Variants in SRRT observed in about 807,000 individuals in gnomAD.
SRRT encodes the protein serrate RNA effector molecule homolog.
In SRRT, 32 loss-of-function variants were observed where a neutral mutation model predicts 103.2. That is an observed-to-expected ratio of 0.31 (90% CI 0.23 to 0.42). The LOEUF (loss-of-function observed/expected upper bound fraction) is 0.42, where lower values mean the gene tolerates loss of function less well. Among genes scored for constraint, SRRT ranks in the 10% least tolerant of loss-of-function variants. The pLI, the probability that SRRT is intolerant of heterozygous loss-of-function variation, is 1.00. For synonymous variants in SRRT, 525 were observed against 449.0 expected (o/e 1.17, Z -2.14); for missense variants, 986 against 1,207.5 (o/e 0.82, Z 2.72).
Position 100,888,295 on chromosome 7 carries a change from C to G in SRRT, c.2467C>G (p.Pro823Ala). 6.2e-7 allele frequency: 1 copy of G among 1,613,706 alleles called. No individual in the cohort carries two copies. Among genetic ancestry groups the G allele is most frequent in the Non-Finnish European group, 8.5e-7 (1 of 1,179,656 alleles). The part of the protein sequence containing the change: ...VRPAVPTGGP[P>A]YPHAPYGAGR... The stretch of plus-strand genomic sequence containing the variant: ...CCCTGCAGTCCCCACAGGAGGCCCT[C>G]CATACCCCCATGCCCCGTATGGTGC... Residue 823 changes from proline to alanine, a missense_variant, in exon 19 of 20, where the codon CCA becomes GCA. By Grantham distance (27) the Pro-to-Ala change is conservative (BLOSUM62 -1). Around this residue, in one of 6 missense-constraint regions of SRRT, gnomAD observed 178 missense variants for 189.6 expected, o/e 0.94. Transcript: ENST00000611405.
At chr7:100,876,090 C>T (rs1180671804) in intron 2 of SRRT, among the ~76,000 whole-genome samples, 1 of 152,158 alleles carries the variant, frequency 6.6e-6, no homozygotes, top group Non-Finnish European at 1.5e-5. Flanking sequence ...GAGCCTCCCG[C>T]CTCAGCCTCT....
At position 100,882,281 on chromosome 7, in the gene SRRT, T is replaced by TC. The variant is rs1278229400; in HGVS notation, c.587+45dup. 1.3e-6 allele frequency: 2 copies of TC among 1,598,106 alleles called. No individual in the cohort carries two copies. Among genetic ancestry groups the TC allele is most frequent in the East Asian group, 2.2e-5 (1 of 44,722 alleles). On this transcript the variant is annotated intron_variant, in intron 5 of 19. Transcript: ENST00000611405. The surrounding 1 kb of genome is among the most constrained non-coding windows in gnomAD (Gnocchi z 4.2). ...TTCCCTGGACCTCTGCCCTGGCATG[T>TC]CCCCCTGGCCCCGCTGGTGGAGCCA...
chr7:100,882,239 G>A lies in SRRT; in HGVS notation c.585G>A (p.Glu195=), dbSNP rs1314541712. The A allele has an allele frequency of 1.2e-6, 2 of 1,613,794 alleles. No homozygotes were observed. Among genetic ancestry groups the A allele is most frequent in the South Asian group, 1.1e-5 (1 of 91,064 alleles). Reference sequence around the variant, plus strand: ...TCTTCCTGGCGCACAAAGATGAGGAGTGGTGAGTGCCCCTACTTCCCTGGA... The same window carrying A: ...TCTTCCTGGCGCACAAAGATGAGGAATGGTGAGTGCCCCTACTTCCCTGGA... The part of the protein sequence containing the change: ...QDFFLAHKDE[E]WFRSKYHPDE... Residue 195 remains glutamate (E), a splice_region_variant and synonymous_variant, in exon 5 of 20, where the codon GAG becomes GAA. Transcript: ENST00000611405. This position sits in a 1 kb window ranked among gnomAD's most constrained non-coding sequence, Gnocchi z 4.2.
At position 100,885,730 on chromosome 7, in the gene SRRT, G is replaced by A. The variant is rs1295304815; in HGVS notation, c.1347G>A (p.Arg449=). The part of the protein sequence containing the change: ...SLCKRYPGFM[R]VALSEPQPER... The stretch of plus-strand genomic sequence containing the variant: ...GTAAAAGGTACCCAGGCTTTATGCG[G>A]GTGGCGCTCTCAGAGCCCCAGCCAG... The change falls in exon 11 of 20, where the codon CGG becomes CGA. Residue 449 remains arginine (R), a synonymous_variant. Transcript: ENST00000611405. This position sits in a 1 kb window ranked among gnomAD's most constrained non-coding sequence, Gnocchi z 4.8. The A allele has an allele frequency of 9.9e-6, 16 of 1,613,824 alleles. No individual in the cohort carries two copies. The highest frequency in any genetic ancestry group is 1.2e-5 in the Non-Finnish European group (14 of 1,179,850).
At chr7:100,886,084 A>C in intron 12 of SRRT, 143 bp downstream of exon 12, 1 of 1,283,374 alleles carries the variant, frequency 7.8e-7, no homozygotes, top group Non-Finnish European at 1.1e-6. Context: ...TCTCTGGGCA[A>C]GGCTCTAGGG....
Position 100,886,876 on chromosome 7 carries a change from C to G in SRRT, c.1729C>G (p.Leu577Val). The part of the protein sequence containing the change: ...EEVSAEEEEL[L>V]GSSGGAPPEE... Reference sequence around the variant, plus strand: ...AGTAAGCGCCGAGGAGGAGGAGCTGCTGGGGAGCAGCGGGGGCGCTCCTCC... The same window carrying G: ...AGTAAGCGCCGAGGAGGAGGAGCTGGTGGGGAGCAGCGGGGGCGCTCCTCC... The change falls in exon 14 of 20, where the codon CTG (leucine) becomes GTG (valine). Residue 577 changes from leucine to valine, a missense_variant. Leu to Val is a conservative substitution (Grantham distance 32). Coordinates refer to ENST00000611405, the MANE Select transcript of SRRT (RefSeq NM_015908.6). The G allele has an allele frequency of 6.2e-7, 1 of 1,614,158 alleles. No homozygotes were observed. The highest frequency in any genetic ancestry group is 1.6e-4 in the Middle Eastern group (1 of 6,062).
rs950475855 is a variant in SRRT, at chr7:100,887,898, C to G, written c.2326+39C>G. On this transcript the variant is annotated intron_variant, in intron 17 of 19. Transcript: ENST00000611405. The surrounding 1 kb of genome is among the most constrained non-coding windows in gnomAD (Gnocchi z 4.1). ...CATGAAGGTCGCATGTGCCCTCTTC[C>G]TTGACTACCCAGGGACTCCTGTTTC... 10 of 1,580,460 alleles carry G rather than the reference C, an allele frequency of 6.3e-6. No homozygotes were observed. The highest frequency in any genetic ancestry group is 2.7e-5 in the African/African-American group (2 of 73,684).
At chr7:100,883,918 C>T (rs140854190) in intron 5 of SRRT, 152 bp from the exon 6 acceptor site, 919 of 798,552 alleles carry the variant, frequency 1.2e-3, no homozygotes, top group Non-Finnish European at 1.3e-3. Context: ...GTGGTTCTAG[C>T]GCACCCCTAT....
In SRRT at chr7:100,882,146, T is replaced by C; in HGVS notation, c.492T>C (p.Asp164=). Residue 164 remains aspartate (D), a synonymous_variant, in exon 5 of 20, where the codon GAT becomes GAC. Coordinates refer to ENST00000611405, the MANE Select transcript of SRRT (RefSeq NM_015908.6). This position sits in a 1 kb window ranked among gnomAD's most constrained non-coding sequence, Gnocchi z 4.2. ...EFLLSLDDSV[D]ETEAVKRYND... is the part of the protein sequence containing the mutation. Reference sequence around the variant, plus strand: ...TCCTCTCCCTGGATGACTCGGTGGATGAGACGGAGGCCGTCAAGCGCTATA... The same window carrying C: ...TCCTCTCCCTGGATGACTCGGTGGACGAGACGGAGGCCGTCAAGCGCTATA... 1.9e-6 allele frequency: 3 copies of C among 1,614,170 alleles called. No homozygotes were observed. The highest frequency in any genetic ancestry group is 2.5e-6 in the Non-Finnish European group (3 of 1,180,032).
At chr7:100,884,706 G>A (rs1394283175) in intron 7 of SRRT, 34 bp from the exon 8 acceptor site, 4 of 1,606,094 alleles carry the variant, frequency 2.5e-6, no homozygotes, top group Admixed American at 3.3e-5. Flanking sequence ...GGGAGGGGAG[G>A]TTTGACATCC....
chr7:100,885,688 C>T lies in SRRT; in HGVS notation c.1318-13C>T, dbSNP rs755728539. The T allele has an allele frequency of 1.9e-6, 3 of 1,603,492 alleles. No homozygotes were observed. The highest frequency in any genetic ancestry group is 2.7e-5 in the African/African-American group (2 of 74,698). On this transcript the variant is annotated splice_polypyrimidine_tract_variant and intron_variant, in intron 10 of 19. Transcript: ENST00000611405. The surrounding 1 kb of genome is among the most constrained non-coding windows in gnomAD (Gnocchi z 4.8). ...CTTGAGTCACTGTGGGGCTGCTTTT[C>T]TGCTTCTTGCAGCTTTGTAAAAGGT...
At position 100,887,882 on chromosome 7, in the gene SRRT, C is replaced by T. The variant is rs117357990; in HGVS notation, c.2326+23C>T. 35 of 1,587,744 alleles carry T rather than the reference C, an allele frequency of 2.2e-5. No individual in the cohort carries two copies. In the East Asian group the frequency reaches 4.3e-4, roughly 19 times the overall value. On this transcript the variant is annotated intron_variant, in intron 17 of 19. Transcript: ENST00000611405. The surrounding 1 kb of genome is among the most constrained non-coding windows in gnomAD (Gnocchi z 4.1). ...AGAGTAAGATACGATCCATGAAGGTCGCATGTGCCCTCTTCCTTGACTACC... is the reference window on the plus strand; with the variant it reads ...AGAGTAAGATACGATCCATGAAGGTTGCATGTGCCCTCTTCCTTGACTACC...
chr7:100,882,822 AC>A lies in SRRT; in HGVS notation c.587+586del, dbSNP rs1266640147. The A allele has an allele frequency of 1.7e-5, 2 of 119,936 alleles. No homozygotes were observed. Among genetic ancestry groups the A allele is most frequent in the Non-Finnish European group, 3.5e-5 (2 of 57,590 alleles). 7.4% of individuals were successfully genotyped at this position (119,936 alleles called of 1,614,324 possible). On this transcript the variant is annotated intron_variant, in intron 5 of 19. Coordinates refer to ENST00000611405, the MANE Select transcript of SRRT (RefSeq NM_015908.6). The surrounding 1 kb of genome is among the most constrained non-coding windows in gnomAD (Gnocchi z 4.2). ...CGGAGCTCGGAGCAAACCCACCTCC[AC>A]CCCCACCATACCCAGCCCATACATG...
At position 100,885,082 on chromosome 7, in the gene SRRT, G is replaced by A. The variant is rs1315069188; in HGVS notation, c.1159+42G>A. The A allele has an allele frequency of 6.2e-6, 10 of 1,611,350 alleles. No individual in the cohort carries two copies. Among genetic ancestry groups the A allele is most frequent in the Non-Finnish European group, 8.5e-6 (10 of 1,178,676 alleles). On this transcript the variant is annotated intron_variant, in intron 9 of 19. Transcript: ENST00000611405. The surrounding 1 kb of genome is among the most constrained non-coding windows in gnomAD (Gnocchi z 4.8). ...GCTTTAAAGTGCGTTCTCCTAATGC[G>A]GGTGGGGAGGTGAGAGGTTGGCGAC...
chr7:100,883,993 T>G, intron 5 of SRRT, 77 bp from the exon 6 acceptor site: 1 of 1,478,804 alleles, frequency 6.8e-7, no homozygotes, highest in Non-Finnish European at 9.1e-7. Context: ...TGCCCTGTCT[T>G]TCCTGGGCCC....
rs761057277 is a variant in SRRT at position 100,882,013 on chromosome 7, T to TC, written c.399-36dup. 1.9e-6 allele frequency: 3 copies of TC among 1,588,076 alleles called. No individual in the cohort carries two copies. In the Admixed American group the frequency reaches 5.4e-5, roughly 28 times the overall value. On this transcript the variant is annotated intron_variant, in intron 4 of 19. Transcript: ENST00000611405. The surrounding 1 kb of genome is among the most constrained non-coding windows in gnomAD (Gnocchi z 4.2). Reference sequence around the variant, plus strand: ...TTTGGCCCCTGTAGCCTCCCACCGTTCCCCAAAAACCAAGCCTTCCTGACC... The same window carrying TC: ...TTTGGCCCCTGTAGCCTCCCACCGTTCCCCCAAAAACCAAGCCTTCCTGACC...
Position 100,888,531 on chromosome 7 carries a change from C to T in SRRT, c.2613C>T (p.Asp871=), listed in dbSNP as rs368786443. Residue 871 remains aspartate, a synonymous_variant, in exon 20 of 20, where the codon GAC becomes GAT. Transcript: ENST00000611405. ...AATATCGGGACCTGGATGCCCCAGA[C>T]GATGTTGATTTCTTTTGAGCCGTCC... ...IVEYRDLDAP[D]DVDFF The T allele has an allele frequency of 2.4e-5, 38 of 1,614,070 alleles. No homozygotes were observed. Among genetic ancestry groups the T allele is most frequent in the African/African-American group, 4.0e-5 (3 of 74,924 alleles).
chr7:100,887,135 C>T lies in SRRT; in HGVS notation c.1910C>T (p.Pro637Leu). 6.2e-7 allele frequency: 1 copy of T among 1,614,190 alleles called. No homozygotes were observed. The highest frequency in any genetic ancestry group is 8.5e-7 in the Non-Finnish European group (1 of 1,180,042). The change falls in exon 15 of 20, where the codon CCC (proline) becomes CTC (leucine). Residue 637 changes from proline (P) to leucine (L), a missense_variant. Physicochemically the swap from Pro to Leu is moderately conservative, Grantham distance 98. Coordinates refer to ENST00000611405, the MANE Select transcript of SRRT (RefSeq NM_015908.6). This position sits in a 1 kb window ranked among gnomAD's most constrained non-coding sequence, Gnocchi z 4.1. Reference protein sequence around the residue: ...TCEYPNEDEMPNRCGIIHVRG... With the variant: ...TCEYPNEDEMLNRCGIIHVRG... ...GAGTACCCCAACGAGGACGAGATGC[C>T]CAATCGCTGTGGGATCATCCACGTT...
intron 4 of SRRT, 103 bp from the exon 5 acceptor site, chr7:100,881,950 G>A: frequency 6.8e-7 from 1 of 1,475,694 alleles, no homozygotes; most frequent in Non-Finnish European, 9.1e-7. Flanking sequence ...GGTTTGGGGT[G>A]ATGTCCATGG....
Sources: allele counts gnomAD v4.1 joint callset (sites outside exome capture counted in the v4.1 genomes callset), GRCh38; gene constraint gnomAD v4.1.1; regional missense constraint gnomAD v4.1.1; non-coding constraint Gnocchi (gnomAD v3.1); transcripts MANE v1.5; gene names NCBI Gene and HGNC (gene_info 2026-07-23, HGNC 2026-07-21).